Variants in DRC10 observed in about 807,000 individuals in gnomAD.
The protein encoded by DRC10 is IQ domain-containing protein D.
the DRC10 span, among the ~76,000 whole-genome samples, chr12:113,199,383 G>A: frequency 0.059 from 8,922 of 151,570 alleles, 359 homozygotes; most frequent in Middle Eastern, 0.071. Context: ...GTGACAGAGT[G>A]AGACCCTGTC....
the DRC10 span, chr12:113,195,534 C>T: frequency 6.5e-7 from 1 of 1,533,000 alleles, no homozygotes; most frequent in Non-Finnish European, 8.8e-7. Flanking sequence ...CTGGCCTGGT[C>T]TCTGGGAAGA....
At chr12:113,220,073 C>T in the DRC10 span, among the ~76,000 whole-genome samples, 1 of 152,160 alleles carries the variant, frequency 6.6e-6, no homozygotes, top group Non-Finnish European at 1.5e-5. Context: ...GATCTGCTGG[C>T]CTCGGCCTCC....
the DRC10 span, among the ~76,000 whole-genome samples, chr12:113,218,792 T>C: frequency 2.6e-5 from 4 of 152,298 alleles, no homozygotes; most frequent in East Asian, 7.7e-4. Context: ...GTTGTAGCAA[T>C]TATTAGTATT....
chr12:113,203,183 G>A, the DRC10 span: 27 of 332,778 alleles, frequency 8.1e-5, 1 homozygote, highest in African/African-American at 4.3e-4. Context: ...ATACCACCAC[G>A]CCCAGCTAAT....
At chr12:113,197,603 T>C in the DRC10 span, 1 of 1,527,982 alleles carries the variant, frequency 6.5e-7, no homozygotes, top group Non-Finnish European at 8.8e-7. Flanking sequence ...GTTTCCACTT[T>C]ATATTTCTTC....
chr12:113,201,407 A>G, the DRC10 span, among the ~76,000 whole-genome samples: 62 of 152,180 alleles, frequency 4.1e-4, no homozygotes, highest in Non-Finnish European at 3.5e-4. Flanking sequence ...ACCACTTTCT[A>G]TTTCCTTGCA....
At chr12:113,217,987 C>G in the DRC10 span, among the ~76,000 whole-genome samples, 1 of 152,238 alleles carries the variant, frequency 6.6e-6, no homozygotes, top group South Asian at 2.1e-4. Context: ...GATGCATTTG[C>G]TTGTCACAAC....
the DRC10 span, among the ~76,000 whole-genome samples, chr12:113,201,396 C>T: frequency 6.6e-6 from 1 of 152,322 alleles, no homozygotes; most frequent in Admixed American, 6.5e-5. Context: ...CGTTCTTGGC[C>T]ACCACTTTCT....
chr12:113,196,511 C>T, the DRC10 span, among the ~76,000 whole-genome samples: 4 of 152,210 alleles, frequency 2.6e-5, no homozygotes, highest in African/African-American at 7.2e-5. Flanking sequence ...TGCCAGAGGA[C>T]ACAGAGCTGG....
chr12:113,217,574 C>T, the DRC10 span, among the ~76,000 whole-genome samples: 1 of 152,220 alleles, frequency 6.6e-6, no homozygotes, highest in Non-Finnish European at 1.5e-5. Flanking sequence ...CTCTGTCGCC[C>T]AGGCTGGAGT....
At chr12:113,200,778 T>G in the DRC10 span, 1 of 1,534,746 alleles carries the variant, frequency 6.5e-7, no homozygotes, top group Non-Finnish European at 8.7e-7. Context: ...GCAGGTGGTT[T>G]TTCAGTTCTT....
chr12:113,214,676 C>A, the DRC10 span, among the ~76,000 whole-genome samples: 1 of 151,942 alleles, frequency 6.6e-6, no homozygotes, highest in Non-Finnish European at 1.5e-5. Flanking sequence ...TGAATTGGAG[C>A]CAGAAAAGAG....
At chr12:113,195,784 C>T in the DRC10 span, 25 of 1,613,902 alleles carry the variant, frequency 1.5e-5, no homozygotes, top group African/African-American at 3.1e-4. Context: ...TCCCGCTCTT[C>T]CCGGATCTGC....
the DRC10 span, among the ~76,000 whole-genome samples, chr12:113,213,041 CT>C: frequency 6.6e-6 from 1 of 151,554 alleles, no homozygotes; most frequent in Non-Finnish European, 1.5e-5. Context: ...ATTAATTTTG[CT>C]CTTAGAATAT....
chr12:113,208,316 G>A, the DRC10 span: 12 of 1,431,018 alleles, frequency 8.4e-6, no homozygotes, highest in Admixed American at 5.9e-5. Flanking sequence ...TGTGGTTAGT[G>A]TGGCTGCAGA....
chr12:113,220,908 T>G, the DRC10 span: 1 of 268,220 alleles, frequency 3.7e-6, no homozygotes, highest in African/African-American at 2.2e-5. Context: ...AGCGGGGGCT[T>G]CTAATTCCTC....
chr12:113,213,892 C>T, the DRC10 span, among the ~76,000 whole-genome samples: 23 of 151,836 alleles, frequency 1.5e-4, no homozygotes, highest in African/African-American at 5.3e-4. Flanking sequence ...TGCAGTGAGC[C>T]GAGATTGCAG....
At chr12:113,216,590 T>C in the DRC10 span, among the ~76,000 whole-genome samples, 2 of 152,082 alleles carry the variant, frequency 1.3e-5, no homozygotes, top group Non-Finnish European at 2.9e-5. Flanking sequence ...AATGCACCAC[T>C]CTGGTGGGGG....
chr12:113,202,459 C>T, the DRC10 span, among the ~76,000 whole-genome samples: 7 of 152,216 alleles, frequency 4.6e-5, no homozygotes, highest in Admixed American at 4.6e-4. Flanking sequence ...GGGCCTGTGG[C>T]AGTGCAGCCT....
Sources: gnomAD v4.1 joint callset for allele counts (sites outside exome capture counted in the v4.1 genomes callset) on GRCh38, gnomAD v4.1.1 for gene constraint, MANE v1.5 for transcripts, NCBI Gene and HGNC (gene_info 2026-07-23, HGNC 2026-07-21) for gene names.